RBFOX1: variants seen among roughly 807,000 people sequenced by gnomAD.
RBFOX1 encodes the protein RNA binding fox-1 homolog 1, also known as RNA binding protein fox-1 homolog 1.
In RBFOX1, 8 loss-of-function variants were observed where a neutral mutation model predicts 57.7. The ratio of observed to expected loss-of-function variants is 0.14; its 90% CI spans 0.08 to 0.25. The LOEUF is 0.25. RBFOX1 is among the 10% of genes least tolerant of loss of function. The pLI is 1.00. For missense variants in RBFOX1, 611 were observed against 548.5 expected, an observed-to-expected ratio of 1.11 and a Z score of -1.14; for synonymous variants, 326 against 222.4, an observed-to-expected ratio of 1.47 and a Z score of -4.15.
chr16:7,339,610 T>G (rs2096855327), intron 4 of RBFOX1, among the ~76,000 whole-genome samples: 2 of 152,116 alleles, frequency 1.3e-5, no homozygotes, highest in Non-Finnish European at 2.9e-5. Flanking sequence ...CAGCTTATTT[T>G]TGTATTTTTA....
At chr16:5,854,396 T>G (rs563700338) in intron 3 of RBFOX1, among the ~76,000 whole-genome samples, 16 of 152,334 alleles carry the variant, frequency 1.1e-4, no homozygotes, top group African/African-American at 3.6e-4. Context: ...TGAGTTAAAC[T>G]CTTTTAGATC....
intron 3 of RBFOX1, among the ~76,000 whole-genome samples, chr16:5,784,812 A>C (rs34890332): frequency 0.29 from 44,030 of 151,904 alleles, 6,747 homozygotes; most frequent in East Asian, 0.55. Context: ...GACATGGCGC[A>C]TAGACACCAT....
At chr16:7,595,410 T>G in intron 7 of RBFOX1, 139 bp from the exon 8 acceptor site, 1 of 573,626 alleles carries the variant, frequency 1.7e-6, no homozygotes, top group Non-Finnish European at 2.9e-6. Flanking sequence ...CTCAGTACTC[T>G]TATAATTTCT....
At position 7,421,038 on chromosome 16, in the gene RBFOX1, A is replaced by T. The variant is rs373317424; in HGVS notation, c.28-97109A>T. Among the ~76,000 whole-genome samples the T allele has an allele frequency of 1.1e-4, 17 of 151,808 alleles. No homozygotes were observed. The East Asian group carries it at 1.6e-3, about 14-fold the overall frequency. Reference sequence around the variant, plus strand: ...GGCGAAATTGTGACGCCTCCACTTGATGAACCATACCTGACTCTTTTGCTC... The same window carrying T: ...GGCGAAATTGTGACGCCTCCACTTGTTGAACCATACCTGACTCTTTTGCTC... On this transcript the variant is annotated intron_variant, in intron 4 of 15. Transcript: ENST00000550418.
chr16:5,480,434 A>G (rs540453951), intron 2 of RBFOX1, among the ~76,000 whole-genome samples: 15 of 152,302 alleles, frequency 9.8e-5, no homozygotes, highest in Admixed American at 2.0e-4. Context: ...AAATACAGAC[A>G]AGTATTAAGA....
At chr16:7,148,528 C>T (rs532286000) in intron 4 of RBFOX1, among the ~76,000 whole-genome samples, 11 of 152,318 alleles carry the variant, frequency 7.2e-5, no homozygotes, top group South Asian at 2.1e-4. Flanking sequence ...ATATTAAGGC[C>T]GCAGTGCCGA....
At chr16:6,105,678 G>GA (rs569925743) in intron 1 of RBFOX1, among the ~76,000 whole-genome samples, 5,204 of 147,734 alleles carry the variant, frequency 0.035, 136 homozygotes, top group African/African-American at 0.066. Flanking sequence ...TTGGAAAGTA[G>GA]AAAAAAAATA....
intron 1 of RBFOX1, among the ~76,000 whole-genome samples, chr16:6,086,690 T>G (rs1034510288): frequency 6.6e-6 from 1 of 152,226 alleles, no homozygotes; most frequent in African/African-American, 2.4e-5. Flanking sequence ...GATGGAGTTT[T>G]GAAGAATACC....
intron 2 of RBFOX1, among the ~76,000 whole-genome samples, chr16:6,319,307 T>C (rs946156392): frequency 6.6e-6 from 1 of 152,198 alleles, no homozygotes; most frequent in Non-Finnish European, 1.5e-5. Context: ...GTTATTCTTG[T>C]TTAATTTTTT....
chr16:7,293,915 A>C (rs2141700979), intron 4 of RBFOX1, among the ~76,000 whole-genome samples: 1 of 152,286 alleles, frequency 6.6e-6, no homozygotes, highest in East Asian at 1.9e-4. Flanking sequence ...GGTCCAGGTC[A>C]AGGTGGATTA....
intron 2 of RBFOX1, among the ~76,000 whole-genome samples, chr16:6,475,210 CAT>C (rs2095254190): frequency 6.6e-6 from 1 of 152,108 alleles, no homozygotes; most frequent in Non-Finnish European, 1.5e-5. Flanking sequence ...AATAAACACT[CAT>C]AGGTTTTATA....
At chr16:6,916,455 CT>C (rs1367667400) in intron 3 of RBFOX1, among the ~76,000 whole-genome samples, 1 of 151,348 alleles carries the variant, frequency 6.6e-6, no homozygotes, top group Non-Finnish European at 1.5e-5. Context: ...TCTAATACAC[CT>C]TTGGTTAACG....
chr16:6,574,424 A>AC (rs2097393914), intron 2 of RBFOX1, among the ~76,000 whole-genome samples: 1 of 89,942 alleles, frequency 1.1e-5, no homozygotes, highest in Non-Finnish European at 2.1e-5. Flanking sequence ...CGTATCTTCT[A>AC]TTTTTTTTTT....
At chr16:6,672,918 C>A (rs191431585) in intron 3 of RBFOX1, among the ~76,000 whole-genome samples, 8 of 152,196 alleles carry the variant, frequency 5.3e-5, no homozygotes, top group Admixed American at 3.3e-4. Flanking sequence ...CCCCCTAGAC[C>A]CCAGGCAAGG....
chr16:6,468,040 G>C (rs888458665), intron 2 of RBFOX1, among the ~76,000 whole-genome samples: 1 of 152,182 alleles, frequency 6.6e-6, no homozygotes, highest in Non-Finnish European at 1.5e-5. Context: ...AGGAGAGTCT[G>C]TGTCTCCTGG....
chr16:7,224,554 T>G, intron 4 of RBFOX1, among the ~76,000 whole-genome samples: 1 of 151,938 alleles, frequency 6.6e-6, no homozygotes, highest in East Asian at 1.9e-4. Context: ...CAGAGGGAGG[T>G]TTGAGCATCA....
intron 3 of RBFOX1, among the ~76,000 whole-genome samples, chr16:7,013,817 C>G (rs2093769695): frequency 6.6e-6 from 1 of 151,986 alleles, no homozygotes. Flanking sequence ...ACCAACATGC[C>G]CAGTTAATTT....
At chr16:7,431,684 A>G (rs1487955896) in intron 4 of RBFOX1, among the ~76,000 whole-genome samples, 4 of 152,228 alleles carry the variant, frequency 2.6e-5, no homozygotes, top group Non-Finnish European at 5.9e-5. Flanking sequence ...CCCCATATCC[A>G]TTAAGCTGTC....
intron 2 of RBFOX1, among the ~76,000 whole-genome samples, chr16:6,367,994 C>T (rs1057217500): frequency 6.6e-6 from 1 of 152,126 alleles, no homozygotes; most frequent in Non-Finnish European, 1.5e-5. Flanking sequence ...AAGTAAGATC[C>T]ATTTGTGTCT....
Sources: gnomAD v4.1 joint callset for allele counts (sites outside exome capture counted in the v4.1 genomes callset) on GRCh38, gnomAD v4.1.1 for gene constraint, MANE v1.5 for transcripts, NCBI Gene and HGNC (gene_info 2026-07-23, HGNC 2026-07-21) for gene names.